WDR33: variants seen among roughly 807,000 people sequenced by gnomAD.
The protein encoded by WDR33 is WD repeat domain 33.
WDR33 carries 47 observed loss-of-function variants against 164.9 expected under a neutral mutation model. The ratio of observed to expected loss-of-function variants is 0.29; its 90% CI spans 0.23 to 0.36. WDR33 has a LOEUF of 0.36. Among genes scored for constraint, WDR33 ranks in the 10% least tolerant of loss-of-function variants. The pLI is 1.00. For missense variants in WDR33, 1,137 were observed against 1,754.1 expected, an observed-to-expected ratio of 0.65 and a Z score of 6.28; for synonymous variants, 505 against 589.0, an observed-to-expected ratio of 0.86 and a Z score of 2.06.
At chr2:127,787,300 C>T (rs1256011598) in intron 1 of WDR33, among the ~76,000 whole-genome samples, 147 of 112,586 alleles carry the variant, frequency 1.3e-3, no homozygotes, top group Non-Finnish European at 2.4e-3. Flanking sequence ...TCAATCTTTT[C>T]CCCACCTTTC....
chr2:127,754,112 T>G (rs1433248496), intron 7 of WDR33, among the ~76,000 whole-genome samples: 2 of 152,190 alleles, frequency 1.3e-5, no homozygotes, highest in African/African-American at 4.8e-5. Flanking sequence ...TTTGGAAGAT[T>G]AGGTGAATTT....
At chr2:127,740,057 T>C (rs546314937) in intron 7 of WDR33, among the ~76,000 whole-genome samples, 4 of 152,222 alleles carry the variant, frequency 2.6e-5, no homozygotes, top group African/African-American at 9.6e-5. Context: ...GAAAGACAGA[T>C]ACTACTAAGA....
Position 127,768,115 on chromosome 2 carries a change from CT to C in WDR33, c.378+73del, listed in dbSNP as rs1687877292. Reference sequence around the variant, plus strand: ...TACTTTTAAAATAATGTTTAATTTTCTTTGCCCTGTCAAATACATTTGCTAT... The same window carrying C: ...TACTTTTAAAATAATGTTTAATTTTCTTGCCCTGTCAAATACATTTGCTAT... On this transcript the variant is annotated intron_variant, in intron 4 of 21. Coordinates refer to ENST00000322313, the MANE Select transcript of WDR33 (RefSeq NM_018383.5). 1.2e-5 allele frequency: 11 copies of C among 885,378 alleles called. No individual in the cohort carries two copies. In the South Asian group the frequency reaches 2.5e-4, roughly 20 times the overall value. 54.8% of individuals were successfully genotyped at this position (885,378 alleles called of 1,614,324 possible). A position where few individuals can be genotyped will look rare whatever the true frequency, so the allele number is the denominator to read the frequency against.
chr2:127,725,370 C>T (rs933116391), intron 8 of WDR33, among the ~76,000 whole-genome samples, 155 bp from the exon 9 acceptor site: 2 of 152,210 alleles, frequency 1.3e-5, no homozygotes, highest in African/African-American at 4.8e-5. Context: ...TATAAACACA[C>T]TTGAAAGAAA....
intron 1 of WDR33, among the ~76,000 whole-genome samples, chr2:127,773,000 C>A (rs1688061042): frequency 6.6e-6 from 1 of 151,528 alleles, no homozygotes; most frequent in Non-Finnish European, 1.5e-5. Flanking sequence ...GCCCAGTGTG[C>A]TGGTGCGCAC....
rs528828463 is a variant in WDR33, at chr2:127,792,891, G to T, written c.-24+18121C>A. 2.0e-5 allele frequency among the ~76,000 whole-genome samples: 3 copies of T among 152,200 alleles called. No homozygotes were observed. In the East Asian group the frequency reaches 5.8e-4, roughly 29 times the overall value. On this transcript the variant is annotated intron_variant, in intron 1 of 21. Coordinates refer to ENST00000322313, the MANE Select transcript of WDR33 (RefSeq NM_018383.5). ...AAAAATAAAAACTACCTTGATTAGA[G>T]TACCTGGGTTGTGATGAAACAAACA...
rs1456356213 is a variant in WDR33, at chr2:127,718,119, C to T, written c.2761-856G>A. On this transcript the variant is annotated intron_variant, in intron 16 of 21. Coordinates refer to ENST00000322313, the MANE Select transcript of WDR33 (RefSeq NM_018383.5). The surrounding 1 kb of genome is among the most constrained non-coding windows in gnomAD (Gnocchi z 4.4). ...ATAACTCAGACATCATCAGATTCTC[C>T]ATGACTACGACACTTTTAGGTTCTG... is the stretch of plus-strand genomic sequence containing the variant. Among the ~76,000 whole-genome samples the T allele has an allele frequency of 2.0e-5, 3 of 152,246 alleles. No individual in the cohort carries two copies. Among genetic ancestry groups the T allele is most frequent in the African/African-American group, 7.2e-5 (3 of 41,552 alleles).
intron 7 of WDR33, among the ~76,000 whole-genome samples, chr2:127,742,504 G>A (rs1687046473): frequency 7.1e-6 from 1 of 141,766 alleles, no homozygotes; most frequent in South Asian, 2.3e-4. Flanking sequence ...TCCAGCCCAG[G>A]AGACAGAGAC....
chr2:127,740,914 C>T (rs1326951947), intron 7 of WDR33, among the ~76,000 whole-genome samples: 3 of 152,026 alleles, frequency 2.0e-5, no homozygotes, highest in African/African-American at 7.2e-5. Context: ...TTTGAAAAAA[C>T]TTCAACCAAA....
chr2:127,765,307 C>G, intron 4 of WDR33, 38 bp from the exon 5 acceptor site: 1 of 1,488,700 alleles, frequency 6.7e-7, no homozygotes, highest in Non-Finnish European at 9.2e-7. Flanking sequence ...CATCCTCCAA[C>G]TTCACTAATT....
intron 4 of WDR33, among the ~76,000 whole-genome samples, chr2:127,767,695 A>G (rs1687864709): frequency 6.6e-6 from 1 of 152,150 alleles, no homozygotes; most frequent in Non-Finnish European, 1.5e-5. Flanking sequence ...AGCCTGGGTG[A>G]CCGAGTGAGA....
intron 7 of WDR33, chr2:127,737,361 ATATG>A: frequency 1.0e-6 from 1 of 985,450 alleles, no homozygotes; most frequent in Non-Finnish European, 1.2e-6. Context: ...GTGTGTGTAC[ATATG>A]TGTGTGTGTA....
chr2:127,779,460 C>T (rs937022158), intron 1 of WDR33, among the ~76,000 whole-genome samples: 14 of 151,126 alleles, frequency 9.3e-5, no homozygotes, highest in South Asian at 2.1e-4. Context: ...GGCGAGACTC[C>T]GTTTCAAAAA....
chr2:127,798,402 T>C (rs1170925240), intron 1 of WDR33, among the ~76,000 whole-genome samples: 1 of 145,422 alleles, frequency 6.9e-6, no homozygotes, highest in Non-Finnish European at 1.5e-5. Context: ...AAAATGAATT[T>C]AAAAGCATTT....
intron 7 of WDR33, among the ~76,000 whole-genome samples, chr2:127,746,043 A>T (rs1269285638): frequency 1.9e-4 from 18 of 94,466 alleles, no homozygotes; most frequent in African/African-American, 8.8e-4. Context: ...AAAATAATTA[A>T]AAAAAAAAAA....
chr2:127,742,918 T>C (rs1286632398), intron 7 of WDR33, among the ~76,000 whole-genome samples: 1 of 146,908 alleles, frequency 6.8e-6, no homozygotes, highest in East Asian at 2.0e-4. Flanking sequence ...TCAGAAAACA[T>C]TCAGAGAGGA....
chr2:127,745,319 T>C (rs767844178), intron 7 of WDR33, among the ~76,000 whole-genome samples: 2 of 152,348 alleles, frequency 1.3e-5, no homozygotes, highest in East Asian at 3.9e-4. Flanking sequence ...GCAGCATTAC[T>C]GCCTCTGTGC....
chr2:127,744,135 G>A (rs1687103637), intron 7 of WDR33, among the ~76,000 whole-genome samples: 2 of 152,178 alleles, frequency 1.3e-5, no homozygotes, highest in Admixed American at 6.5e-5. Flanking sequence ...TTGGCTAGAT[G>A]ACAAGAACTT....
intron 1 of WDR33, among the ~76,000 whole-genome samples, chr2:127,803,034 T>C (rs891807990): frequency 7.9e-5 from 12 of 151,958 alleles, no homozygotes; most frequent in Non-Finnish European, 1.5e-5. Flanking sequence ...CAAACCCTAA[T>C]AATGAATACA....
Sources: gnomAD v4.1 joint callset for allele counts (sites outside exome capture counted in the v4.1 genomes callset) on GRCh38, gnomAD v4.1.1 for gene constraint, Gnocchi (gnomAD v3.1) non-coding constraint, MANE v1.5 for transcripts, NCBI Gene and HGNC (gene_info 2026-07-23, HGNC 2026-07-21) for gene names.